PRKN: variants seen among roughly 807,000 people sequenced by gnomAD.
The protein encoded by PRKN is parkin RBR E3 ubiquitin protein ligase, also known as E3 ubiquitin-protein ligase parkin.
Under a neutral mutation model 59.5 loss-of-function variants are expected in PRKN, and 56 were observed. The ratio of observed to expected loss-of-function variants is 0.94; its 90% CI spans 0.76 to 1.18. The LOEUF (loss-of-function observed/expected upper bound fraction) is 1.18. Ranked by LOEUF, PRKN falls within the 50% of genes most tolerant of loss-of-function variation. The pLI, the probability that PRKN is intolerant of heterozygous loss-of-function variation, is 0.00. For synonymous variants in PRKN, 250 were observed against 222.1 expected, an observed-to-expected ratio of 1.13 and a Z score of -1.12; for missense variants, 657 against 596.4, an observed-to-expected ratio of 1.10 and a Z score of -1.06.
Position 162,627,382 on chromosome 6 carries a change from G to C in PRKN, c.7+100280C>G, listed in dbSNP as rs548038933. ...ACTATCAACTCAATGTTTGTCATAG[G>C]AAATGATTTTGTATAGAAATTATTT... is the stretch of plus-strand genomic sequence containing the variant. On this transcript the variant is annotated intron_variant, in intron 1 of 11. Coordinates refer to ENST00000366898, the MANE Select transcript of PRKN (RefSeq NM_004562.3). 2.6e-5 allele frequency among the ~76,000 whole-genome samples: 4 copies of C among 152,296 alleles called. No homozygotes were observed. In the East Asian group the frequency reaches 7.7e-4, roughly 29 times the overall value.
Position 162,235,977 on chromosome 6 carries a change from G to GA in PRKN, c.412+26547dup, listed in dbSNP as rs1171663027. On this transcript the variant is annotated intron_variant, in intron 3 of 11. Coordinates refer to ENST00000366898, the MANE Select transcript of PRKN (RefSeq NM_004562.3). ...AGAAAGGAAGAAAGAAAGAAAGAAA[G>GA]AAAGAAAGAAAGAAAGAAAGAAAGA... Among the ~76,000 whole-genome samples the GA allele has an allele frequency of 8.6e-3, 959 of 111,594 alleles. 20 individuals are homozygous for GA. The highest frequency in any genetic ancestry group is 0.037 in the African/African-American group (839 of 22,556). 73.2% of individuals were successfully genotyped at this position (111,594 alleles called of 152,430 possible).
chr6:162,536,452 A>G (rs1778724714), intron 1 of PRKN, among the ~76,000 whole-genome samples: 1 of 152,098 alleles, frequency 6.6e-6, no homozygotes, highest in African/African-American at 2.4e-5. Context: ...GTTATGTATT[A>G]AGGTCACCTG....
chr6:161,857,669 G>T (rs1347924467), intron 6 of PRKN, among the ~76,000 whole-genome samples: 1 of 152,174 alleles, frequency 6.6e-6, no homozygotes, highest in African/African-American at 2.4e-5. Context: ...TCAGTTCAAA[G>T]CAGTTCTGGC....
chr6:162,461,499 C>CAAAAAAAAAAAAAAAA (rs780424226), intron 1 of PRKN, among the ~76,000 whole-genome samples: 31 of 36,518 alleles, frequency 8.5e-4, no homozygotes, highest in South Asian at 2.4e-3. Context: ...TAAAGTGTCT[C>CAAAAAAAAAAAAAAAA]AAAAAAAAAA....
intron 6 of PRKN, among the ~76,000 whole-genome samples, chr6:161,873,912 TATAA>T (rs68086364): frequency 0.13 from 14,734 of 111,546 alleles, 1,945 homozygotes; most frequent in African/African-American, 0.18. Flanking sequence ...ATATAAAATA[TATAA>T]ATATATAAAA....
At chr6:162,201,383 TA>T in intron 3 of PRKN, 131 bp from the exon 4 acceptor site, 1 of 797,148 alleles carries the variant, frequency 1.3e-6, no homozygotes, top group Non-Finnish European at 2.1e-6. Flanking sequence ...ATTACTGGAA[TA>T]AATATTCCAA....
intron 6 of PRKN, among the ~76,000 whole-genome samples, chr6:161,789,295 C>T (rs112807175): frequency 4.6e-5 from 7 of 152,276 alleles, no homozygotes; most frequent in African/African-American, 1.4e-4. Flanking sequence ...GCACCTACTT[C>T]GGGTTAGGTG....
intron 5 of PRKN, among the ~76,000 whole-genome samples, chr6:162,013,594 A>C (rs574561268): frequency 6.6e-6 from 1 of 152,202 alleles, no homozygotes; most frequent in Non-Finnish European, 1.5e-5. Context: ...CCCCAAGTGC[A>C]TAGTGATAAC....
At position 162,056,987 on chromosome 6, in the gene PRKN, G is replaced by A. The variant is rs904495177; in HGVS notation, c.535-2813C>T. Among the ~76,000 whole-genome samples the A allele has an allele frequency of 8.6e-5, 13 of 152,044 alleles. No homozygotes were observed. The highest frequency in any genetic ancestry group is 1.6e-4 in the Non-Finnish European group (11 of 68,016). ...TCCCCTCGCTTCATATCCTTTTGTT[G>A]TAGTGAATCTTAGCTATGTGTGTGA... is the stretch of plus-strand genomic sequence containing the variant. On this transcript the variant is annotated intron_variant, in intron 4 of 11. Coordinates refer to ENST00000366898, the MANE Select transcript of PRKN (RefSeq NM_004562.3). This position sits in a 1 kb window ranked among gnomAD's most constrained non-coding sequence, Gnocchi z 4.9.
chr6:162,446,653 T>C (rs1790329808), intron 1 of PRKN, among the ~76,000 whole-genome samples: 1 of 152,146 alleles, frequency 6.6e-6, no homozygotes, highest in Non-Finnish European at 1.5e-5. Flanking sequence ...AAATACATAA[T>C]ATTTGACCAA....
intron 5 of PRKN, among the ~76,000 whole-genome samples, chr6:162,034,920 A>G (rs1783782617): frequency 6.6e-6 from 1 of 152,228 alleles, no homozygotes; most frequent in South Asian, 2.1e-4. Context: ...TTAATGTCTT[A>G]GTCCTTTTGC....
intron 6 of PRKN, among the ~76,000 whole-genome samples, chr6:161,930,642 C>T (rs186998581): frequency 1.5e-4 from 23 of 152,314 alleles, no homozygotes; most frequent in Admixed American, 4.6e-4. Flanking sequence ...CCAATGATGT[C>T]TATGTCCAAA....
chr6:161,801,452 G>A (rs375821293), intron 6 of PRKN, among the ~76,000 whole-genome samples: 1 of 152,360 alleles, frequency 6.6e-6, no homozygotes, highest in Non-Finnish European at 1.5e-5. Flanking sequence ...ATGGGAGCGG[G>A]TGGGGCCACC....
At chr6:162,438,476 A>G (rs1161060672) in intron 2 of PRKN, among the ~76,000 whole-genome samples, 1 of 150,730 alleles carries the variant, frequency 6.6e-6, no homozygotes, top group Non-Finnish European at 1.5e-5. Context: ...TCTGCTGGTG[A>G]CAAATTCGCT....
chr6:161,796,234 TA>T (rs1234087021), intron 6 of PRKN, among the ~76,000 whole-genome samples: 2 of 152,218 alleles, frequency 1.3e-5, no homozygotes, highest in Non-Finnish European at 2.9e-5. Context: ...ATTGCATTTC[TA>T]AATATAATTA....
At chr6:161,743,213 C>CATTTTTT (rs1788262327) in intron 7 of PRKN, among the ~76,000 whole-genome samples, 1 of 84,550 alleles carries the variant, frequency 1.2e-5, no homozygotes, top group Non-Finnish European at 2.2e-5. Context: ...TGGTTTCTAC[C>CATTTTTT]TTTTTTTTTT....
At chr6:161,847,265 G>A (rs1029188040) in intron 6 of PRKN, among the ~76,000 whole-genome samples, 2 of 152,086 alleles carry the variant, frequency 1.3e-5, no homozygotes, top group African/African-American at 2.4e-5. Context: ...CGGAGATGGC[G>A]CCACTGTAGT....
rs544055246 is a variant in PRKN at position 161,755,855 on chromosome 6, G to A, written c.871+29917C>T. ...AATGTCTTATCAAGCAGGTGAGTGG[G>A]AAACAGACTCTCCCCTACAGGCCAG... On this transcript the variant is annotated intron_variant, in intron 7 of 11. Transcript: ENST00000366898. 3.3e-5 allele frequency among the ~76,000 whole-genome samples: 5 copies of A among 152,148 alleles called. No individual in the cohort carries two copies. In the East Asian group the frequency reaches 9.8e-4, roughly 30 times the overall value.
At chr6:161,772,546 C>T (rs534524547) in intron 7 of PRKN, among the ~76,000 whole-genome samples, 2 of 152,288 alleles carry the variant, frequency 1.3e-5, no homozygotes, top group South Asian at 2.1e-4. Flanking sequence ...GGATACAACA[C>T]TGACAGATGA....
Sources: allele counts gnomAD v4.1 joint callset (sites outside exome capture counted in the v4.1 genomes callset), GRCh38; gene constraint gnomAD v4.1.1; non-coding constraint Gnocchi (gnomAD v3.1); transcripts MANE v1.5; gene names NCBI Gene and HGNC (gene_info 2026-07-23, HGNC 2026-07-21).